The following TRIM61 variants were observed in gnomAD, a reference collection of about 807,000 sequenced individuals.
The protein encoded by TRIM61 is tripartite motif containing 61.
Under a neutral mutation model 14.2 loss-of-function variants are expected in TRIM61, and 1 was observed. The ratio of observed to expected loss-of-function variants is 0.07; its 90% CI spans 0.03 to 0.33. TRIM61 has a LOEUF of 0.33. Ranked by LOEUF, TRIM61 falls within the 10% of genes least tolerant of loss-of-function variation. The pLI is 0.99. For missense variants in TRIM61, 19 were observed against 202.2 expected, an observed-to-expected ratio of 0.09 and a Z score of 5.49; for synonymous variants, 8 against 71.6, an observed-to-expected ratio of 0.11 and a Z score of 4.49.
intron 3 of TRIM61, chr4:164,957,915 G>A (rs1372197184): frequency 5.8e-6 from 1 of 172,084 alleles, no homozygotes; most frequent in Non-Finnish European, 1.4e-5. Flanking sequence ...TTTAACAAGG[G>A]ATGATGATTC....
At position 164,969,836 on chromosome 4, in the gene TRIM61, C is replaced by T; in HGVS notation, c.167G>A (p.Cys56Tyr). ...TTTCCTTTCTGGACAGCAAAAGTGG[C>T]AAAAGGGGCAGGGGAAACTATCATG... The change falls in exon 3 of 5, where the codon TGC (cysteine) becomes TAC (tyrosine). Residue 56 changes from cysteine (C) to tyrosine (Y), a missense_variant. Cys to Tyr is a radical substitution (Grantham distance 194). Transcript: ENST00000329314. 6.2e-7 allele frequency: 1 copy of T among 1,614,040 alleles called. No individual in the cohort carries two copies. The highest frequency in any genetic ancestry group is 8.5e-7 in the Non-Finnish European group (1 of 1,179,882).
intron 3 of TRIM61, among the ~76,000 whole-genome samples, chr4:164,956,169 G>A (rs1330686973): frequency 1.3e-5 from 2 of 152,326 alleles, no homozygotes; most frequent in Admixed American, 6.5e-5. Flanking sequence ...AGGTTCAAGC[G>A]ATTCTCCCAC....
intron 2 of TRIM61, among the ~76,000 whole-genome samples, chr4:164,972,234 G>A (rs1319557189): frequency 1.3e-5 from 2 of 152,176 alleles, no homozygotes; most frequent in Non-Finnish European, 2.9e-5. Context: ...GAAAATCGAT[G>A]TGTCTTTTTT....
rs561720548 is a variant in TRIM61, at chr4:164,974,854, A to T, written c.-338+1834T>A. On this transcript the variant is annotated intron_variant, in intron 2 of 4. Transcript: ENST00000329314. ...TCAAATGGGTACTGTTGAGCAGAACAAGAAAGTTAGAAAGTGCATGGGAAT... is the reference window on the plus strand; with the variant it reads ...TCAAATGGGTACTGTTGAGCAGAACTAGAAAGTTAGAAAGTGCATGGGAAT... 2.0e-5 allele frequency among the ~76,000 whole-genome samples: 3 copies of T among 152,348 alleles called. No individual in the cohort carries two copies. In the East Asian group the frequency reaches 5.8e-4, roughly 29 times the overall value.
chr4:164,968,997 G>A (rs1055075900), intron 3 of TRIM61: 20 of 1,034,628 alleles, frequency 1.9e-5, no homozygotes, highest in African/African-American at 8.7e-5. Context: ...ACAGCTGGGA[G>A]GAGATAAAAT....
At position 164,955,037 on chromosome 4, in the gene TRIM61, G is replaced by A. The variant is rs1260659804; in HGVS notation, c.585C>T (p.Asn195=). The change falls in exon 4 of 5, where the codon AAC becomes AAT. Residue 195 remains asparagine (N), a synonymous_variant. Coordinates refer to ENST00000329314, the MANE Select transcript of TRIM61 (RefSeq NM_001012414.3). ...AATCGCTTGATCCCGGGAGGCGGAG[G>A]TTGAAGTGAGCCGAGATCGTGCAAC... The A allele has an allele frequency of 7.7e-6, 2 of 259,858 alleles. No individual in the cohort carries two copies. The highest frequency in any genetic ancestry group is 4.5e-5 in the Admixed American group (1 of 22,096). The allele number at this position is 259,858 out of a possible 1,614,324, so 16.1% of individuals were successfully genotyped here.
chr4:164,964,738 G>C (rs1484470843), intron 3 of TRIM61, among the ~76,000 whole-genome samples: 1 of 152,184 alleles, frequency 6.6e-6, no homozygotes, highest in Non-Finnish European at 1.5e-5. Flanking sequence ...AACTGGCAAG[G>C]GGAGTGCAGA....
At chr4:164,957,499 C>A in intron 3 of TRIM61, 1 of 1,595,792 alleles carries the variant, frequency 6.3e-7, no homozygotes, top group Middle Eastern at 1.9e-4. Flanking sequence ...TCCTATAGAG[C>A]AGGCTGCCTC....
intron 3 of TRIM61, chr4:164,956,961 G>C: frequency 7.0e-7 from 1 of 1,424,570 alleles, no homozygotes; most frequent in Non-Finnish European, 9.3e-7. Flanking sequence ...TCGACTTCCG[G>C]GTGAGACCGT....
chr4:164,969,301 T>C, intron 3 of TRIM61: 1 of 1,472,964 alleles, frequency 6.8e-7, no homozygotes, highest in Non-Finnish European at 9.0e-7. Flanking sequence ...CTATCTCCTT[T>C]AGTAGATATT....
intron 2 of TRIM61, among the ~76,000 whole-genome samples, chr4:164,973,793 C>T (rs1732423138): frequency 6.6e-6 from 1 of 152,220 alleles, no homozygotes; most frequent in Non-Finnish European, 1.5e-5. Context: ...GCTGAATCCA[C>T]ATACTTCTAT....
chr4:164,962,389 TTGTGTG>T (rs147058101), intron 3 of TRIM61, among the ~76,000 whole-genome samples: 17 of 146,498 alleles, frequency 1.2e-4, no homozygotes, highest in South Asian at 8.9e-4. Context: ...CCTGGCTAAT[TTGTGTG>T]TGTGTGTGTG....
chr4:164,977,119 G>T (rs1732498590), intron 1 of TRIM61, among the ~76,000 whole-genome samples: 1 of 152,104 alleles, frequency 6.6e-6, no homozygotes. Context: ...AAGTTGAAAT[G>T]ATAATTCGTA....
chr4:164,956,196 G>T (rs530606503), intron 3 of TRIM61, among the ~76,000 whole-genome samples: 2 of 152,170 alleles, frequency 1.3e-5, no homozygotes, highest in Non-Finnish European at 2.9e-5. Context: ...CTCCGGAGTA[G>T]CTGGGACCAC....
chr4:164,955,771 A>G (rs1208981690), intron 3 of TRIM61, among the ~76,000 whole-genome samples: 1 of 152,162 alleles, frequency 6.6e-6, no homozygotes, highest in Non-Finnish European at 1.5e-5. Flanking sequence ...CACAAGACAC[A>G]CACACCCAGA....
At chr4:164,965,159 G>A (rs1006853477) in intron 3 of TRIM61, among the ~76,000 whole-genome samples, 2 of 152,014 alleles carry the variant, frequency 1.3e-5, no homozygotes, top group African/African-American at 4.8e-5. Flanking sequence ...ACGGTGACGC[G>A]AGTCTGTAAT....
At chr4:164,965,314 A>C (rs566446693) in intron 3 of TRIM61, among the ~76,000 whole-genome samples, 2 of 152,148 alleles carry the variant, frequency 1.3e-5, no homozygotes, top group East Asian at 3.9e-4. Context: ...AAAAAACTTA[A>C]ATTGAAGCTT....
intron 3 of TRIM61, among the ~76,000 whole-genome samples, chr4:164,955,768 C>A (rs544934880): frequency 4.8e-4 from 73 of 152,208 alleles, no homozygotes; most frequent in African/African-American, 1.7e-3. Flanking sequence ...ACACACAAGA[C>A]ACACACACCC....
At chr4:164,973,722 G>A (rs1400679384) in intron 2 of TRIM61, among the ~76,000 whole-genome samples, 1 of 152,152 alleles carries the variant, frequency 6.6e-6, no homozygotes, top group African/African-American at 2.4e-5. Context: ...TTTAACCCAT[G>A]TACAATAAAA....
Sources: allele counts gnomAD v4.1 joint callset (sites outside exome capture counted in the v4.1 genomes callset), GRCh38; gene constraint gnomAD v4.1.1; transcripts MANE v1.5; gene names NCBI Gene and HGNC (gene_info 2026-07-23, HGNC 2026-07-21).